Variants in TRPC5 observed in about 807,000 individuals in gnomAD.
TRPC5 encodes transient receptor potential cation channel subfamily C member 5, also known as short transient receptor potential channel 5.
TRPC5 carries 9 observed loss-of-function variants against 56.5 expected under a neutral mutation model. The observed-to-expected ratio is 0.16, with a 90% CI of 0.10 to 0.28. TRPC5 has a LOEUF of 0.28. TRPC5 is among the 10% of genes least tolerant of loss of function. The pLI, the probability that TRPC5 is intolerant of heterozygous loss-of-function variation, is 1.00. For missense variants in TRPC5, 469 were observed against 748.9 expected (o/e 0.63, Z 4.36); for synonymous variants, 282 against 278.5 (o/e 1.01, Z -0.13).
chrX:111,936,102 T>G (rs778120431), intron 2 of TRPC5, among the ~76,000 whole-genome samples: 1 of 112,314 alleles, frequency 8.9e-6, no homozygotes, highest in African/African-American at 3.2e-5. Context: ...GGAGTATATT[T>G]CCATTTTTTG....
chrX:111,870,707 G>C (rs1170416424), intron 3 of TRPC5, among the ~76,000 whole-genome samples: 2 of 111,483 alleles, frequency 1.8e-5, no homozygotes, highest in Non-Finnish European at 3.8e-5. Context: ...TGGTGATCAT[G>C]ATATCTCCCC....
chrX:111,934,194 C>T (rs1249833317), intron 2 of TRPC5, among the ~76,000 whole-genome samples: 2 of 109,122 alleles, frequency 1.8e-5, no homozygotes, highest in Non-Finnish European at 3.8e-5. Context: ...AAAATTCTTT[C>T]CCGAACCAGT....
intron 6 of TRPC5, among the ~76,000 whole-genome samples, chrX:111,843,823 C>T (rs1294806964): frequency 4.7e-5 from 5 of 106,228 alleles, no homozygotes; most frequent in African/African-American, 1.7e-4. Context: ...GAGTCTGTTG[C>T]CACAGTCCTT....
Position 111,835,074 on chromosome X carries a change from G to A in TRPC5, c.1743C>T (p.Gly581=), listed in dbSNP as rs368509787. 46 of 1,209,404 alleles carry A rather than the reference G, an allele frequency of 3.8e-5. No homozygotes were observed. Among genetic ancestry groups the A allele is most frequent in the Non-Finnish European group, 4.9e-5 (44 of 894,896 alleles). ...CATTGGTGACATATAGATTTAAAAGGCCAAATACAGACCAGAAGAGTGACT... is the reference window on the plus strand; with the variant it reads ...CATTGGTGACATATAGATTTAAAAGACCAAATACAGACCAGAAGAGTGACT... ...TLQSLFWSVF[G]LLNLYVTNVK... Residue 581 remains glycine, a synonymous_variant, in exon 7 of 11, where the codon GGC becomes GGT. Coordinates refer to ENST00000262839, the MANE Select transcript of TRPC5 (RefSeq NM_012471.3).
chrX:112,065,342 A>C (rs1930557698), intron 1 of TRPC5, among the ~76,000 whole-genome samples: 1 of 111,729 alleles, frequency 9.0e-6, no homozygotes, highest in East Asian at 2.8e-4. Flanking sequence ...ATTTTTGGCA[A>C]CACCATCTAT....
intron 7 of TRPC5, among the ~76,000 whole-genome samples, chrX:111,784,023 A>G: frequency 9.0e-6 from 1 of 111,543 alleles, no homozygotes; most frequent in Non-Finnish European, 1.9e-5. Context: ...TTGTTGGACA[A>G]CTCTCATTTC....
chrX:111,836,306 T>A (rs1922562751), intron 6 of TRPC5, among the ~76,000 whole-genome samples: 1 of 112,298 alleles, frequency 8.9e-6, no homozygotes, highest in Non-Finnish European at 1.9e-5. Flanking sequence ...ATGGAAACCA[T>A]GCAGAACATA....
intron 1 of TRPC5, among the ~76,000 whole-genome samples, chrX:111,966,989 C>T (rs1374957261): frequency 1.4e-4 from 16 of 111,173 alleles, no homozygotes; most frequent in African/African-American, 5.3e-4. Context: ...GGCAATTAGG[C>T]AGGAGAAGGA....
intron 3 of TRPC5, among the ~76,000 whole-genome samples, chrX:111,885,050 G>T (rs946747277): frequency 1.8e-5 from 2 of 112,945 alleles, no homozygotes; most frequent in African/African-American, 6.4e-5. Flanking sequence ...TAAGGCAAAT[G>T]CAGGCCTTAA....
At chrX:112,067,342 TC>T (rs1308104759) in intron 1 of TRPC5, among the ~76,000 whole-genome samples, 1 of 112,794 alleles carries the variant, frequency 8.9e-6, no homozygotes, top group African/African-American at 3.2e-5. Context: ...TCCAGTAGTG[TC>T]AGGAAGCAGG....
At chrX:111,937,757 T>C (rs1367492712) in intron 2 of TRPC5, among the ~76,000 whole-genome samples, 1 of 99,512 alleles carries the variant, frequency 1.0e-5, no homozygotes, top group East Asian at 3.2e-4. Flanking sequence ...AGCCTTGTAG[T>C]ATAGTTTGAA....
Position 111,852,375 on chromosome X carries a change from A to G in TRPC5, c.1300T>C (p.Trp434Arg), listed in dbSNP as rs767844784. The G allele has an allele frequency of 8.3e-7, 1 of 1,208,189 alleles. No individual in the cohort carries two copies. The highest frequency in any genetic ancestry group is 1.8e-5 in the South Asian group (1 of 56,575). Residue 434 changes from tryptophan (W) to arginine (R), a missense_variant, in exon 5 of 11, where the codon TGG becomes CGG. This residue lies in a region of TRPC5 where 157 missense variants were observed against 360.0 expected (regional missense o/e 0.44). Coordinates refer to ENST00000262839, the MANE Select transcript of TRPC5 (RefSeq NM_012471.3). ...DGGFTEYIHD[W>R]WNLMDFAMNS... ...ATTGCAAAATCCATCAGGTTCCACC[A>G]GTCATGGATGTATTCAGTAAATCCA...
At chrX:111,807,264 T>C (rs967664176) in intron 7 of TRPC5, among the ~76,000 whole-genome samples, 1 of 111,652 alleles carries the variant, frequency 9.0e-6, no homozygotes, top group African/African-American at 3.3e-5. Flanking sequence ...TCTTTTTTCT[T>C]TTGTTTCCTC....
chrX:111,819,137 G>T (rs890516437), intron 7 of TRPC5, among the ~76,000 whole-genome samples: 5 of 111,608 alleles, frequency 4.5e-5, no homozygotes, highest in Non-Finnish European at 7.5e-5. Flanking sequence ...CATCAGGAAG[G>T]TTCCTGCAAA....
chrX:111,913,816 C>T (rs1400308933), intron 2 of TRPC5, among the ~76,000 whole-genome samples: 2 of 110,192 alleles, frequency 1.8e-5, no homozygotes, highest in Non-Finnish European at 3.8e-5. Flanking sequence ...AAAAATTAGC[C>T]GGGCATGGTG....
chrX:112,015,713 G>T lies in TRPC5; in HGVS notation c.-21-63272C>A, dbSNP rs779032363. Among the ~76,000 whole-genome samples, 10 of 111,837 alleles carry T rather than the reference G, an allele frequency of 8.9e-5. No individual in the cohort carries two copies. In the South Asian group the frequency reaches 3.8e-3, roughly 42 times the overall value. On this transcript the variant is annotated intron_variant, in intron 1 of 10. Transcript: ENST00000262839. ...CTATAAGGGTTTGCACACCCACACA[G>T]CTGTGTTGGGTAGAGCTGTATCAAA...
Position 111,775,111 on chromosome X carries a change from T to C in TRPC5, c.*1202A>G, listed in dbSNP as rs891797018. 28 of 111,930 alleles carry C rather than the reference T, an allele frequency of 2.5e-4. No individual in the cohort carries two copies. Among genetic ancestry groups the C allele is most frequent in the Non-Finnish European group, 4.3e-4 (23 of 53,184 alleles). The allele number at this position is 111,930 out of a possible 1,213,427, so 9.2% of individuals were successfully genotyped here. On this transcript the variant is annotated 3_prime_UTR_variant, in exon 11 of 11. Transcript: ENST00000262839. Reference sequence around the variant, plus strand: ...TTTGGATGTATAAATGTAGCTTTCTTGGAAGACAGTAGAATTTGGATCACG... The same window carrying C: ...TTTGGATGTATAAATGTAGCTTTCTCGGAAGACAGTAGAATTTGGATCACG...
At chrX:111,808,528 A>G (rs1208344573) in intron 7 of TRPC5, among the ~76,000 whole-genome samples, 1 of 110,825 alleles carries the variant, frequency 9.0e-6, no homozygotes, top group East Asian at 2.9e-4. Context: ...TCCTGGGACT[A>G]TCCCTTCAGG....
intron 1 of TRPC5, among the ~76,000 whole-genome samples, chrX:112,031,648 TATAGAC>T (rs1475836741): frequency 9.1e-6 from 1 of 109,960 alleles, no homozygotes; most frequent in African/African-American, 3.3e-5. Flanking sequence ...TTATCATAGA[TATAGAC>T]ATAGATAAAT....
Sources: gnomAD v4.1 joint callset for allele counts (sites outside exome capture counted in the v4.1 genomes callset) on GRCh38, gnomAD v4.1.1 for gene constraint, gnomAD v4.1.1 regional missense constraint, MANE v1.5 for transcripts, NCBI Gene and HGNC (gene_info 2026-07-23, HGNC 2026-07-21) for gene names.